The following DORIP1 variants were observed in gnomAD, a reference collection of about 807,000 sequenced individuals.
DORIP1 encodes the protein dopamine receptor-interacting protein 1.
chr14:44,899,978 T>C, the DORIP1 span, among the ~76,000 whole-genome samples: 1 of 151,914 alleles, frequency 6.6e-6, no homozygotes, highest in Admixed American at 6.6e-5. Context: ...ATTACAGGCA[T>C]GCGCCACCAC....
At chr14:44,905,296 T>A in the DORIP1 span, 58 of 1,052,038 alleles carry the variant, frequency 5.5e-5, no homozygotes, top group African/African-American at 6.8e-4. Flanking sequence ...ATTCCTTAGT[T>A]ATGAATTTAA....
chr14:44,904,441 G>C, the DORIP1 span: 1 of 1,611,086 alleles, frequency 6.2e-7, no homozygotes, highest in African/African-American at 1.3e-5. Context: ...CTGCCATGGG[G>C]CACCCCCTTT....
At chr14:44,899,451 C>G in the DORIP1 span, 1 of 152,140 alleles carries the variant, frequency 6.6e-6, no homozygotes, top group Non-Finnish European at 1.5e-5. Context: ...ATAAAAATCC[C>G]AAAGTGATTA....
chr14:44,905,470 G>A, the DORIP1 span: 1 of 1,566,226 alleles, frequency 6.4e-7, no homozygotes, highest in South Asian at 1.2e-5. Context: ...GCTCAGAAAT[G>A]TGAATTTAAT....
the DORIP1 span, chr14:44,906,732 G>A: frequency 6.6e-6 from 1 of 152,638 alleles, no homozygotes; most frequent in East Asian, 1.9e-4. Flanking sequence ...GAGATTAGTT[G>A]CAATATATTT....
At chr14:44,900,240 T>C in the DORIP1 span, among the ~76,000 whole-genome samples, 1 of 152,190 alleles carries the variant, frequency 6.6e-6, no homozygotes, top group African/African-American at 2.4e-5. Flanking sequence ...GACTGCAGCT[T>C]CTTAAATGGT....
the DORIP1 span, among the ~76,000 whole-genome samples, chr14:44,901,375 C>T: frequency 6.6e-6 from 1 of 152,170 alleles, no homozygotes; most frequent in Non-Finnish European, 1.5e-5. Flanking sequence ...TGTTAAAGTA[C>T]AGAGCCTTTA....
At chr14:44,900,881 C>A in the DORIP1 span, 1 of 1,613,842 alleles carries the variant, frequency 6.2e-7, no homozygotes, top group South Asian at 1.1e-5. Context: ...CTCATGTCTA[C>A]CATTCAAGAG....
At chr14:44,902,263 A>G in the DORIP1 span, among the ~76,000 whole-genome samples, 5 of 152,060 alleles carry the variant, frequency 3.3e-5, no homozygotes, top group African/African-American at 1.2e-4. Context: ...CTCATGGCTC[A>G]CTACTTCAGC....
chr14:44,898,908 C>A, the DORIP1 span: 1 of 152,198 alleles, frequency 6.6e-6, no homozygotes, highest in Non-Finnish European at 1.5e-5. Flanking sequence ...ACAAATAAAA[C>A]ACGTAGGACT....
chr14:44,903,604 G>A, the DORIP1 span: 5 of 1,016,042 alleles, frequency 4.9e-6, no homozygotes, highest in Non-Finnish European at 5.9e-6. Context: ...TCTCCATTTA[G>A]GAGAAAGAGG....
the DORIP1 span, chr14:44,904,629 AATC>A: frequency 8.4e-7 from 1 of 1,189,228 alleles, no homozygotes; most frequent in East Asian, 2.7e-5. Flanking sequence ...TGTTGAAAAC[AATC>A]ATATCTGTCT....
the DORIP1 span, chr14:44,901,020 T>TAA: frequency 6.7e-7 from 1 of 1,494,046 alleles, no homozygotes; most frequent in Non-Finnish European, 9.0e-7. Flanking sequence ...TTGCTTTAGA[T>TAA]ATGTAGTCGT....
At chr14:44,904,703 G>A in the DORIP1 span, 1 of 654,406 alleles carries the variant, frequency 1.5e-6, no homozygotes, top group East Asian at 3.2e-5. Flanking sequence ...TACTAGCAGT[G>A]CACATAGTGG....
the DORIP1 span, among the ~76,000 whole-genome samples, chr14:44,902,024 T>C: frequency 6.6e-6 from 1 of 152,200 alleles, no homozygotes; most frequent in Non-Finnish European, 1.5e-5. Flanking sequence ...TTTGGCCCTA[T>C]GGTCCAGAAA....
the DORIP1 span, chr14:44,900,550 C>T: frequency 5.6e-6 from 9 of 1,608,146 alleles, no homozygotes; most frequent in East Asian, 2.2e-5. Context: ...CAAAGCTGGC[C>T]GCAAAGCAGT....
At chr14:44,905,150 CAT>C in the DORIP1 span, 1 of 365,762 alleles carries the variant, frequency 2.7e-6, no homozygotes, top group Non-Finnish European at 4.8e-6. Context: ...TTAAAAGAAA[CAT>C]ACAGGTTATA....
chr14:44,900,901 T>A, the DORIP1 span: 1 of 1,611,886 alleles, frequency 6.2e-7, no homozygotes, highest in Non-Finnish European at 8.5e-7. Flanking sequence ...GAGTTACTGT[T>A]CCAACTGGCG....
chr14:44,902,915 C>G, the DORIP1 span, among the ~76,000 whole-genome samples: 1 of 152,064 alleles, frequency 6.6e-6, no homozygotes. Context: ...TTCCTTCCCA[C>G]GAGACCAGAT....
Sources: gnomAD v4.1 joint callset for allele counts (sites outside exome capture counted in the v4.1 genomes callset) on GRCh38, gnomAD v4.1.1 for gene constraint, MANE v1.5 for transcripts, NCBI Gene and HGNC (gene_info 2026-07-23, HGNC 2026-07-21) for gene names.